The following CNTNAP5 variants were observed in gnomAD, a reference collection of about 807,000 sequenced individuals.
CNTNAP5 encodes the protein contactin associated protein family member 5.
CNTNAP5 carries 72 observed loss-of-function variants against 150.2 expected under a neutral mutation model. The ratio of observed to expected loss-of-function variants is 0.48; its 90% CI spans 0.40 to 0.58. CNTNAP5 has a LOEUF of 0.58. Among genes scored for constraint, CNTNAP5 ranks in the 20% least tolerant of loss-of-function variants. The pLI is 0.00. For missense variants in CNTNAP5, 1,636 were observed against 1,626.2 expected (o/e 1.01, Z -0.10); for synonymous variants, 672 against 619.8 (o/e 1.08, Z -1.25).
intron 1 of CNTNAP5, among the ~76,000 whole-genome samples, chr2:124,050,628 C>G (rs1485861568): frequency 1.3e-5 from 2 of 152,124 alleles, no homozygotes; most frequent in African/African-American, 4.8e-5. Context: ...TTGACTCTGC[C>G]CCTGCCTCTG....
chr2:124,233,151 TAC>T (rs1686665854), intron 2 of CNTNAP5, among the ~76,000 whole-genome samples: 1 of 151,736 alleles, frequency 6.6e-6, no homozygotes, highest in Non-Finnish European at 1.5e-5. Flanking sequence ...AATTCAACAA[TAC>T]CATCCTCAGT....
intron 11 of CNTNAP5, among the ~76,000 whole-genome samples, chr2:124,568,263 A>G (rs1696076866): frequency 6.6e-6 from 1 of 152,194 alleles, no homozygotes; most frequent in Non-Finnish European, 1.5e-5. Context: ...TAATCATGAA[A>G]GCATTATGGA....
At chr2:124,231,656 T>C (rs1686622788) in intron 2 of CNTNAP5, among the ~76,000 whole-genome samples, 2 of 152,162 alleles carry the variant, frequency 1.3e-5, no homozygotes, top group Admixed American at 1.3e-4. Context: ...AATCATACTG[T>C]GTGGCCTAAT....
chr2:124,898,963 C>T (rs541102490), intron 21 of CNTNAP5, among the ~76,000 whole-genome samples: 1 of 151,322 alleles, frequency 6.6e-6, no homozygotes, highest in Non-Finnish European at 1.5e-5. Flanking sequence ...ATTCAAGGGA[C>T]CTATTGTGCA....
At chr2:124,047,042 C>A (rs1318767617) in intron 1 of CNTNAP5, among the ~76,000 whole-genome samples, 1 of 152,154 alleles carries the variant, frequency 6.6e-6, no homozygotes, top group African/African-American at 2.4e-5. Flanking sequence ...AAGTATCAAT[C>A]ACAGCCTAAG....
intron 3 of CNTNAP5, among the ~76,000 whole-genome samples, chr2:124,311,772 C>T (rs1016816057): frequency 1.2e-4 from 18 of 152,178 alleles, no homozygotes; most frequent in African/African-American, 3.9e-4. Context: ...TTGCTAATAG[C>T]TGTCTATATG....
chr2:124,594,746 A>G (rs1055886027), intron 11 of CNTNAP5, among the ~76,000 whole-genome samples: 15 of 132,180 alleles, frequency 1.1e-4, no homozygotes, highest in African/African-American at 4.1e-4. Flanking sequence ...CATTTTCACG[A>G]TATTGATTCT....
intron 3 of CNTNAP5, among the ~76,000 whole-genome samples, chr2:124,253,500 C>T (rs1687237167): frequency 6.6e-6 from 1 of 152,090 alleles, no homozygotes; most frequent in East Asian, 1.9e-4. Context: ...ATGCCAGCTG[C>T]CTTACTTTAA....
intron 14 of CNTNAP5, among the ~76,000 whole-genome samples, chr2:124,754,698 TTG>T: frequency 6.6e-6 from 1 of 152,138 alleles, no homozygotes; most frequent in East Asian, 1.9e-4. Flanking sequence ...TTTTTTTATT[TTG>T]TTTTTAAGGC....
intron 6 of CNTNAP5, among the ~76,000 whole-genome samples, chr2:124,464,992 C>A (rs1273255047): frequency 1.4e-5 from 2 of 145,598 alleles, no homozygotes; most frequent in Admixed American, 6.8e-5. Flanking sequence ...TCAAAAGTAT[C>A]AGATATTCAA....
intron 1 of CNTNAP5, among the ~76,000 whole-genome samples, chr2:124,070,154 A>T (rs1333975371): frequency 6.6e-6 from 1 of 152,078 alleles, no homozygotes; most frequent in Non-Finnish European, 1.5e-5. Context: ...TGTAAGTCTC[A>T]TGATAATCTT....
intron 13 of CNTNAP5, among the ~76,000 whole-genome samples, chr2:124,684,816 T>C (rs721520): frequency 0.26 from 40,125 of 152,082 alleles, 5,829 homozygotes; most frequent in African/African-American, 0.39. Flanking sequence ...GTGGCAATTA[T>C]TATGATCCAC....
At chr2:124,316,632 C>T (rs1325417955) in intron 3 of CNTNAP5, among the ~76,000 whole-genome samples, 3 of 151,370 alleles carry the variant, frequency 2.0e-5, no homozygotes, top group Middle Eastern at 6.8e-3. Flanking sequence ...TGTGAAAACC[C>T]GTCTCTACTA....
intron 10 of CNTNAP5, among the ~76,000 whole-genome samples, chr2:124,545,931 T>C (rs1169537141): frequency 1.3e-5 from 2 of 152,088 alleles, no homozygotes; most frequent in Admixed American, 6.6e-5. Flanking sequence ...ATCTCTAAAA[T>C]ATAAATAAAT....
intron 1 of CNTNAP5, among the ~76,000 whole-genome samples, chr2:124,218,668 G>C (rs1686224637): frequency 6.6e-6 from 1 of 152,124 alleles, no homozygotes; most frequent in Admixed American, 6.6e-5. Context: ...GGAGAAAACG[G>C]ACAGTAGGGA....
rs576461084 is a variant in CNTNAP5 at position 124,569,152 on chromosome 2, G to A, written c.1756+5829G>A. ...CTTTATTGAGTAAAAAGTTCTGAATGGTTTTAAGAATCTTGATTCATATTT... is the reference window on the plus strand; with the variant it reads ...CTTTATTGAGTAAAAAGTTCTGAATAGTTTTAAGAATCTTGATTCATATTT... On this transcript the variant is annotated intron_variant, in intron 11 of 23. Coordinates refer to ENST00000682447, the MANE Select transcript of CNTNAP5 (RefSeq NM_001367498.1). 3.3e-5 allele frequency among the ~76,000 whole-genome samples: 5 copies of A among 152,238 alleles called. No individual in the cohort carries two copies. The South Asian group carries it at 8.3e-4, about 25-fold the overall frequency.
At chr2:124,315,389 C>T (rs139857193) in intron 3 of CNTNAP5, among the ~76,000 whole-genome samples, 65 of 152,178 alleles carry the variant, frequency 4.3e-4, no homozygotes, top group African/African-American at 1.2e-3. Flanking sequence ...AGCTCAGAGA[C>T]CATCTGGCCC....
intron 10 of CNTNAP5, among the ~76,000 whole-genome samples, chr2:124,532,382 G>T (rs891126731): frequency 6.6e-6 from 1 of 152,184 alleles, no homozygotes; most frequent in Non-Finnish European, 1.5e-5. Flanking sequence ...GGAGTAAGGT[G>T]AGCCAGGTTC....
chr2:124,372,686 A>C lies in CNTNAP5; in HGVS notation c.382-44757A>C, dbSNP rs1019834. Among the ~76,000 whole-genome samples the C allele has an allele frequency of 4.7e-3, 710 of 152,176 alleles. 14 individuals are homozygous for C. The East Asian group carries it at 0.051, about 11-fold the overall frequency. ...GAATTACTCAATCAATCAGCCCTTAAGCTTTTTTTACTTCTATGCTTACGA... is the reference window on the plus strand; with the variant it reads ...GAATTACTCAATCAATCAGCCCTTACGCTTTTTTTACTTCTATGCTTACGA... On this transcript the variant is annotated intron_variant, in intron 3 of 23. Coordinates refer to ENST00000682447, the MANE Select transcript of CNTNAP5 (RefSeq NM_001367498.1).
Sources: allele counts gnomAD v4.1 joint callset (sites outside exome capture counted in the v4.1 genomes callset), GRCh38; gene constraint gnomAD v4.1.1; transcripts MANE v1.5; gene names NCBI Gene and HGNC (gene_info 2026-07-23, HGNC 2026-07-21).